Variants in KANSL1 observed in about 807,000 individuals in gnomAD.
KANSL1 encodes the protein MLL1/MLL complex subunit KANSL1.
In KANSL1, 22 loss-of-function variants were observed where a neutral mutation model predicts 103.6. The ratio of observed to expected loss-of-function variants is 0.21; its 90% CI spans 0.15 to 0.30. KANSL1 has a LOEUF of 0.30. Ranked by LOEUF, KANSL1 falls within the 10% of genes least tolerant of loss-of-function variation. KANSL1 has a pLI of 1.00. For missense variants in KANSL1, 1,337 were observed against 1,399.8 expected, an observed-to-expected ratio of 0.96 and a Z score of 0.72; for synonymous variants, 600 against 527.6, an observed-to-expected ratio of 1.14 and a Z score of -1.88.
chr17:46,096,871 C>A (rs1322137433), intron 2 of KANSL1, among the ~76,000 whole-genome samples: 16 of 152,226 alleles, frequency 1.1e-4, no homozygotes, highest in African/African-American at 2.9e-4. Flanking sequence ...CCCACCTCAG[C>A]CTCCCAAAGT....
chr17:46,164,342 C>T (rs1436482925), intron 2 of KANSL1, among the ~76,000 whole-genome samples: 1 of 152,192 alleles, frequency 6.6e-6, no homozygotes, highest in Non-Finnish European at 1.5e-5. Flanking sequence ...ATTTTCACTA[C>T]CTACGTTTCT....
intron 2 of KANSL1, among the ~76,000 whole-genome samples, chr17:46,095,619 A>C (rs1178850506): frequency 5.9e-5 from 9 of 152,236 alleles, no homozygotes; most frequent in East Asian, 3.8e-4. Context: ...CAAATTGCTA[A>C]ATATGAACAG....
intron 4 of KANSL1, among the ~76,000 whole-genome samples, chr17:46,070,468 T>C (rs1314473330): frequency 6.6e-6 from 1 of 151,994 alleles, no homozygotes. Flanking sequence ...TAAAACCAAA[T>C]ACCCTCCTGA....
In KANSL1 at chr17:46,031,721, G is replaced by C. The variant is rs186216018; in HGVS notation, c.3091-18C>G. The C allele has an allele frequency of 3.2e-4, 501 of 1,576,264 alleles. 2 individuals are homozygous for C. The African/African-American group carries it at 6.0e-3, about 19-fold the overall frequency. On this transcript the variant is annotated intron_variant, in intron 14 of 14. Transcript: ENST00000432791. ...TGGACAGACTGTAGGCAGACAAGTT[G>C]CTCTTTGAGGACCCAGTCCCAGCCA...
At chr17:46,111,880 GAA>G (rs2042825149) in intron 2 of KANSL1, among the ~76,000 whole-genome samples, 1 of 152,182 alleles carries the variant, frequency 6.6e-6, no homozygotes, top group Non-Finnish European at 1.5e-5. Flanking sequence ...GCAGAAACCA[GAA>G]AAGTTTATTT....
Position 46,079,932 on chromosome 17 carries a change from G to A in KANSL1, c.1533+2509C>T, listed in dbSNP as rs566695287. 5.9e-5 allele frequency among the ~76,000 whole-genome samples: 9 copies of A among 152,010 alleles called. No homozygotes were observed. In the East Asian group the frequency reaches 9.7e-4, roughly 16 times the overall value. ...GTAGAGGCTGCAGTGAGCCAAGGTC[G>A]CACCACTGCACTCCAGCCTGGGTGA... On this transcript the variant is annotated intron_variant, in intron 4 of 14. Transcript: ENST00000432791.
At chr17:46,142,776 T>G (rs573269270) in intron 2 of KANSL1, among the ~76,000 whole-genome samples, 1 of 152,386 alleles carries the variant, frequency 6.6e-6, no homozygotes, top group East Asian at 1.9e-4. Flanking sequence ...ACAAAAAACC[T>G]GCTTGTTACA....
At chr17:46,101,271 A>G (rs2042301386) in intron 2 of KANSL1, among the ~76,000 whole-genome samples, 1 of 152,216 alleles carries the variant, frequency 6.6e-6, no homozygotes, top group South Asian at 2.1e-4. Flanking sequence ...CTCACTACCT[A>G]GCTCAAAAGC....
chr17:46,154,261 G>A (rs948679053), intron 2 of KANSL1, among the ~76,000 whole-genome samples: 8 of 152,218 alleles, frequency 5.3e-5, no homozygotes, highest in Non-Finnish European at 8.8e-5. Context: ...AGGGAAGTGG[G>A]GAAATGCTAA....
At chr17:46,059,515 A>AG (rs1365785373) in intron 6 of KANSL1, among the ~76,000 whole-genome samples, 1 of 151,422 alleles carries the variant, frequency 6.6e-6, no homozygotes, top group Non-Finnish European at 1.5e-5. Context: ...GCTACTTGGA[A>AG]GGCTGAGGCA....
At chr17:46,081,705 T>C (rs1050986063) in intron 4 of KANSL1, among the ~76,000 whole-genome samples, 2 of 152,246 alleles carry the variant, frequency 1.3e-5, no homozygotes, top group Admixed American at 1.3e-4. Context: ...AACAGCTTGC[T>C]TAACTCACCA....
At chr17:46,215,656 T>G (rs2048317100) in intron 1 of KANSL1, among the ~76,000 whole-genome samples, 1 of 152,198 alleles carries the variant, frequency 6.6e-6, no homozygotes, top group African/African-American at 2.4e-5. Context: ...AAATCCCTGA[T>G]TTGAGTGACT....
At chr17:46,062,942 CG>C (rs2078233961) in intron 6 of KANSL1, among the ~76,000 whole-genome samples, 1 of 151,998 alleles carries the variant, frequency 6.6e-6, no homozygotes. Flanking sequence ...CCCAGCTACT[CG>C]GGAGAATGAG....
chr17:46,141,478 T>G (rs992402162), intron 2 of KANSL1, among the ~76,000 whole-genome samples: 4 of 152,234 alleles, frequency 2.6e-5, no homozygotes, highest in Non-Finnish European at 4.4e-5. Flanking sequence ...GACAAATAAA[T>G]TCTTCTATGC....
rs115620004 is a variant in KANSL1, at chr17:46,118,437, T to C, written c.1290-23736A>G. 2.6e-3 allele frequency among the ~76,000 whole-genome samples: 389 copies of C among 152,346 alleles called. 2 individuals carry two copies. Among genetic ancestry groups the C allele is most frequent in the African/African-American group, 9.0e-3 (375 of 41,572 alleles). On this transcript the variant is annotated intron_variant, in intron 2 of 14. Coordinates refer to ENST00000432791, the MANE Select transcript of KANSL1 (RefSeq NM_015443.4). ...CTTGGTTCATTTACATTAGATGCTT[T>C]ATCTTCTAAAGTTATCTCAGTTGGA...
At chr17:46,161,331 G>A (rs1362269785) in intron 2 of KANSL1, among the ~76,000 whole-genome samples, 1 of 151,816 alleles carries the variant, frequency 6.6e-6, no homozygotes, top group Non-Finnish European at 1.5e-5. Flanking sequence ...AGCTACTTGG[G>A]AGGCTGAGGC....
At chr17:46,134,136 G>A (rs111424940) in intron 2 of KANSL1, among the ~76,000 whole-genome samples, 21,622 of 151,916 alleles carry the variant, frequency 0.14, 2,121 homozygotes, top group Non-Finnish European at 0.22. Flanking sequence ...GGTGGCTCAC[G>A]CCTGTACTCC....
intron 2 of KANSL1, among the ~76,000 whole-genome samples, chr17:46,123,031 C>G (rs1483117235): frequency 1.3e-5 from 2 of 152,212 alleles, no homozygotes; most frequent in Non-Finnish European, 2.9e-5. Context: ...AAATCAAAAG[C>G]TAGAAATAGA....
chr17:46,189,031 CAAAAAAAAAAAAAAAAAAA>C (rs57566816), intron 1 of KANSL1, among the ~76,000 whole-genome samples: 669 of 62,396 alleles, frequency 0.011, 12 homozygotes, highest in African/African-American at 0.022. Context: ...AAGATTGTCT[CAAAAAAAAAAAAAAAAAAA>C]AAAAAAAAAA....
Sources: gnomAD v4.1 joint callset for allele counts (sites outside exome capture counted in the v4.1 genomes callset) on GRCh38, gnomAD v4.1.1 for gene constraint, MANE v1.5 for transcripts, NCBI Gene and HGNC (gene_info 2026-07-23, HGNC 2026-07-21) for gene names.